The following ABL1 variants were observed in gnomAD, a reference collection of about 807,000 sequenced individuals.
The protein encoded by ABL1 is tyrosine-protein kinase ABL1.
Under a neutral mutation model 94.7 loss-of-function variants are expected in ABL1, and 11 were observed. The ratio of observed to expected loss-of-function variants is 0.12; its 90% CI spans 0.07 to 0.19. The LOEUF is 0.19. Ranked by LOEUF, ABL1 falls within the 10% of genes least tolerant of loss-of-function variation. The pLI, the probability that ABL1 is intolerant of heterozygous loss-of-function variation, is 1.00. For missense variants in ABL1, 1,082 were observed against 1,489.4 expected (o/e 0.73, Z 4.50); for synonymous variants, 656 against 622.4 (o/e 1.05, Z -0.80).
At chr9:130,812,387 C>T (rs769972187) in intron 1 of ABL1, among the ~76,000 whole-genome samples, 5 of 151,374 alleles carry the variant, frequency 3.3e-5, no homozygotes, top group Non-Finnish European at 7.4e-5. Flanking sequence ...TCATTAAAAG[C>T]AGACATTGTG....
rs879046720 is a variant in ABL1, at chr9:130,872,315, G to A, written c.907+102G>A. The stretch of plus-strand genomic sequence containing the variant: ...CGGGCGGCTCACTGCACAAAACCTC[G>A]TTGGAATATTTGTGCTCTGCCGACG... On this transcript the variant is annotated intron_variant, in intron 5 of 10. Transcript: ENST00000318560. The surrounding 1 kb of genome is among the most constrained non-coding windows in gnomAD (Gnocchi z 5.0). The A allele has an allele frequency of 4.9e-5, 53 of 1,090,362 alleles. No individual in the cohort carries two copies. Among genetic ancestry groups the A allele is most frequent in the Middle Eastern group, 2.9e-4 (1 of 3,412 alleles). 67.5% of individuals were successfully genotyped at this position (1,090,362 alleles called of 1,614,324 possible).
chr9:130,736,914 T>A (rs1831751730), intron 1 of ABL1, among the ~76,000 whole-genome samples: 1 of 152,218 alleles, frequency 6.6e-6, no homozygotes, highest in African/African-American at 2.4e-5. Flanking sequence ...TGATTGCCTA[T>A]ATAGAATCCA....
intron 3 of ABL1, among the ~76,000 whole-genome samples, chr9:130,859,879 C>T (rs1297232566): frequency 6.6e-6 from 1 of 151,828 alleles, no homozygotes; most frequent in Non-Finnish European, 1.5e-5. Flanking sequence ...TGGGGTTTCA[C>T]CATGTTGGCC....
chr9:130,730,045 A>AATTT, intron 1 of ABL1, among the ~76,000 whole-genome samples: 1 of 55,316 alleles, frequency 1.8e-5, no homozygotes, highest in East Asian at 6.4e-4. Flanking sequence ...GCCCAGCCAG[A>AATTT]CTTTTTTTTT....
intron 1 of ABL1, among the ~76,000 whole-genome samples, chr9:130,816,886 T>C (rs1337893525): frequency 2.0e-5 from 3 of 152,204 alleles, no homozygotes; most frequent in Non-Finnish European, 4.4e-5. Context: ...GTAGTTTTAG[T>C]AGAGGCAGGG....
intron 1 of ABL1, among the ~76,000 whole-genome samples, chr9:130,850,509 T>C (rs1830839288): frequency 6.6e-6 from 1 of 152,184 alleles, no homozygotes; most frequent in Non-Finnish European, 1.5e-5. Flanking sequence ...CATTTCGTTT[T>C]GTTTACTTAT....
intron 1 of ABL1, among the ~76,000 whole-genome samples, chr9:130,785,877 C>T (rs1829818846): frequency 7.1e-6 from 1 of 141,474 alleles, no homozygotes; most frequent in South Asian, 2.2e-4. Context: ...GAGCTGAGAT[C>T]GTGCCACTGC....
Position 130,878,566 on chromosome 9 carries a change from A to G in ABL1, c.1422A>G (p.Ala474=), listed in dbSNP as rs748589356. The G allele has an allele frequency of 2.7e-5, 43 of 1,614,000 alleles. No homozygotes were observed. The South Asian group carries it at 4.1e-4, about 15-fold the overall frequency. Residue 474 remains alanine, a splice_region_variant and synonymous_variant, in exon 8 of 11, where the codon GCA becomes GCG. Transcript: ENST00000318560. Reference sequence around the variant, plus strand: ...AGAAGGTCTATGAACTCATGCGAGCATGTAAGCCTTCCTCAGCCTGTTCTC... The same window carrying G: ...AGAAGGTCTATGAACTCATGCGAGCGTGTAAGCCTTCCTCAGCCTGTTCTC... ...CPEKVYELMR[A]CWQWNPSDRP...
upstream of ABL1, among the ~76,000 whole-genome samples, chr9:130,833,098 T>TA: frequency 6.6e-6 from 1 of 151,722 alleles, no homozygotes; most frequent in African/African-American, 2.4e-5. Flanking sequence ...ATAATTAGCT[T>TA]AAAAAAATAA....
chr9:130,815,899 T>A (rs1160202884), intron 1 of ABL1, among the ~76,000 whole-genome samples: 1 of 152,128 alleles, frequency 6.6e-6, no homozygotes, highest in Non-Finnish European at 1.5e-5. Flanking sequence ...GCGCCTGTAA[T>A]CCCAGCTACT....
chr9:130,809,011 G>A (rs1394854801), intron 1 of ABL1, among the ~76,000 whole-genome samples: 3 of 152,194 alleles, frequency 2.0e-5, no homozygotes, highest in East Asian at 3.8e-4. Flanking sequence ...CGCGGTGCGG[G>A]GAGAAGGAAC....
chr9:130,874,664 C>T (rs1226232420), intron 6 of ABL1, among the ~76,000 whole-genome samples: 1 of 152,220 alleles, frequency 6.6e-6, no homozygotes, highest in Non-Finnish European at 1.5e-5. Context: ...GCTCCCAGCA[C>T]CAGCCTCTCC....
chr9:130,857,992 A>G (rs1718239730), intron 3 of ABL1, among the ~76,000 whole-genome samples: 2 of 152,132 alleles, frequency 1.3e-5, no homozygotes, highest in African/African-American at 4.8e-5. Context: ...CTAGTGAATC[A>G]GAACACCAGG....
chr9:130,878,864 T>C (rs1588280197), intron 8 of ABL1, among the ~76,000 whole-genome samples: 1 of 151,080 alleles, frequency 6.6e-6, no homozygotes, highest in African/African-American at 2.4e-5. Flanking sequence ...GTAGCTAAGC[T>C]CATGAGGTGA....
chr9:130,789,525 T>TACACACACACAC (rs59537102), intron 1 of ABL1, among the ~76,000 whole-genome samples: 6 of 148,956 alleles, frequency 4.0e-5, no homozygotes, highest in East Asian at 2.0e-4. Context: ...AAAAAGGACA[T>TACACACACACAC]ACACACACAC....
At position 130,884,286 on chromosome 9, in the gene ABL1, G is replaced by T; in HGVS notation, c.1996G>T (p.Ala666Ser). ...CAAGTCCCCAAAGCCCAGCAATGGG[G>T]CTGGGGTCCCCAATGGAGCCCTCCG... is the stretch of plus-strand genomic sequence containing the variant. The part of the protein sequence containing the change: ...PAKSPKPSNG[A>S]GVPNGALRES... Residue 666 changes from alanine to serine, a missense_variant, in exon 11 of 11, where the codon GCT (alanine) becomes TCT (serine). Coordinates refer to ENST00000318560, the MANE Select transcript of ABL1 (RefSeq NM_005157.6). The surrounding 1 kb of genome is among the most constrained non-coding windows in gnomAD (Gnocchi z 5.6). The T allele has an allele frequency of 6.2e-7, 1 of 1,605,680 alleles. No individual in the cohort carries two copies. Among genetic ancestry groups the T allele is most frequent in the South Asian group, 1.1e-5 (1 of 90,254 alleles).
chr9:130,735,621 T>G (rs1262203352), intron 1 of ABL1, among the ~76,000 whole-genome samples: 1 of 152,032 alleles, frequency 6.6e-6, no homozygotes, highest in Non-Finnish European at 1.5e-5. Context: ...TCTCCCCATA[T>G]TGGAATATGT....
In ABL1 at chr9:130,872,350, G is replaced by T. The variant is rs1831266406; in HGVS notation, c.907+137G>T. On this transcript the variant is annotated intron_variant, in intron 5 of 10. Coordinates refer to ENST00000318560, the MANE Select transcript of ABL1 (RefSeq NM_005157.6). The surrounding 1 kb of genome is among the most constrained non-coding windows in gnomAD (Gnocchi z 5.0). ...TTGTGCTCTGCCGACGTTCAGCCGCGGGTAAAATGAGGCCTGTATGGGATG... is the reference window on the plus strand; with the variant it reads ...TTGTGCTCTGCCGACGTTCAGCCGCTGGTAAAATGAGGCCTGTATGGGATG... The T allele has an allele frequency of 1.3e-6, 1 of 743,810 alleles. No individual in the cohort carries two copies. The highest frequency in any genetic ancestry group is 2.2e-6 in the Non-Finnish European group (1 of 453,872). 46.1% of individuals were successfully genotyped at this position (743,810 alleles called of 1,614,324 possible).
intron 1 of ABL1, among the ~76,000 whole-genome samples, chr9:130,820,669 G>A (rs1830348066): frequency 6.6e-6 from 1 of 152,164 alleles, no homozygotes; most frequent in South Asian, 2.1e-4. Flanking sequence ...CCAACAACAC[G>A]TACAGCACAG....
Sources: allele counts gnomAD v4.1 joint callset (sites outside exome capture counted in the v4.1 genomes callset), GRCh38; gene constraint gnomAD v4.1.1; non-coding constraint Gnocchi (gnomAD v3.1); transcripts MANE v1.5; gene names NCBI Gene and HGNC (gene_info 2026-07-23, HGNC 2026-07-21).